SPIN1: variants seen among roughly 807,000 people sequenced by gnomAD.
SPIN1 encodes the protein spindlin-1.
A neutral mutation model predicts 26.0 loss-of-function variants in SPIN1; 3 were observed. That is an observed-to-expected ratio of 0.12 (90% CI 0.05 to 0.30). SPIN1 has a LOEUF of 0.30. Among genes scored for constraint, SPIN1 ranks in the 10% least tolerant of loss-of-function variants. SPIN1 has a pLI of 1.00. For missense variants in SPIN1, 126 were observed against 333.4 expected, an observed-to-expected ratio of 0.38 and a Z score of 4.84; for synonymous variants, 101 against 116.5, an observed-to-expected ratio of 0.87 and a Z score of 0.86.
chr9:88,407,644 C>G (rs1827337757), intron 1 of SPIN1, among the ~76,000 whole-genome samples: 1 of 147,568 alleles, frequency 6.8e-6, no homozygotes, highest in East Asian at 2.0e-4. Flanking sequence ...GACCTCATCT[C>G]TAATTTTTTT....
intron 1 of SPIN1, among the ~76,000 whole-genome samples, chr9:88,403,937 G>C (rs748201905): frequency 6.6e-6 from 1 of 152,146 alleles, no homozygotes; most frequent in African/African-American, 2.4e-5. Flanking sequence ...TGCGTTGTTA[G>C]GTGAGCATTA....
At chr9:88,437,682 A>G (rs924692117) in intron 2 of SPIN1, among the ~76,000 whole-genome samples, 1 of 152,130 alleles carries the variant, frequency 6.6e-6, no homozygotes, top group Non-Finnish European at 1.5e-5. Flanking sequence ...AAGCGGCTCT[A>G]CCGTTTTGCA....
At chr9:88,466,302 G>A (rs1326371232) in intron 4 of SPIN1, among the ~76,000 whole-genome samples, 2 of 152,134 alleles carry the variant, frequency 1.3e-5, no homozygotes, top group Non-Finnish European at 2.9e-5. Context: ...GGGACTACAG[G>A]CACTCACCAC....
At chr9:88,401,068 A>G (rs1420692183) in intron 1 of SPIN1, among the ~76,000 whole-genome samples, 1 of 152,156 alleles carries the variant, frequency 6.6e-6, no homozygotes, top group East Asian at 1.9e-4. Context: ...AATAACTTGC[A>G]TTGTTGGTGG....
Position 88,426,586 on chromosome 9 carries a change from A to G in SPIN1, c.47A>G (p.Asp16Gly). 1.9e-6 allele frequency: 3 copies of G among 1,613,494 alleles called. No individual in the cohort carries two copies. The highest frequency in any genetic ancestry group is 2.5e-6 in the Non-Finnish European group (3 of 1,179,610). The change falls in exon 2 of 6, where the codon GAT (aspartate) becomes GGT (glycine). Residue 16 changes from aspartate (D) to glycine (G), a missense_variant. Asp to Gly is a moderately conservative substitution (Grantham distance 94). This residue lies in a region of SPIN1 where 63 missense variants were observed against 101.3 expected (regional missense o/e 0.62). Coordinates refer to ENST00000375859, the MANE Select transcript of SPIN1 (RefSeq NM_006717.3). ...ACACCTGGCCAGCGGTCCAGAGCTGATGCAGGTAGGCATTGCGGTTCTACA... is the reference window on the plus strand; with the variant it reads ...ACACCTGGCCAGCGGTCCAGAGCTGGTGCAGGTAGGCATTGCGGTTCTACA... ...GKTPGQRSRA[D>G]AGHAGVSANM...
At chr9:88,466,318 C>G (rs1365765919) in intron 4 of SPIN1, among the ~76,000 whole-genome samples, 1 of 152,064 alleles carries the variant, frequency 6.6e-6, no homozygotes, top group Non-Finnish European at 1.5e-5. Context: ...ACCACAGTAC[C>G]CTGCTAATTT....
chr9:88,417,184 A>T lies in SPIN1; in HGVS notation c.-158-9198A>T, dbSNP rs75891288. 9.9e-4 allele frequency among the ~76,000 whole-genome samples: 151 copies of T among 152,264 alleles called. 3 individuals carry two copies. In the East Asian group the frequency reaches 0.024, roughly 24 times the overall value. On this transcript the variant is annotated intron_variant, in intron 1 of 5. Coordinates refer to ENST00000375859, the MANE Select transcript of SPIN1 (RefSeq NM_006717.3). ...TATGCTCTGTATTTAGATTTTAGCT[A>T]TATGTTTTTTTCGTATAAATGTCTG...
chr9:88,425,416 A>T (rs970045851), intron 1 of SPIN1, among the ~76,000 whole-genome samples: 3 of 152,156 alleles, frequency 2.0e-5, no homozygotes, highest in Admixed American at 6.5e-5. Flanking sequence ...GCAGTGGCTC[A>T]CGTCTGTAAT....
At chr9:88,395,836 CAGG>C (rs1827040521) in intron 1 of SPIN1, among the ~76,000 whole-genome samples, 1 of 151,546 alleles carries the variant, frequency 6.6e-6, no homozygotes, top group Non-Finnish European at 1.5e-5. Context: ...ATCATGAGGT[CAGG>C]AGTTCAAGAA....
At chr9:88,420,951 C>G (rs549582165) in intron 1 of SPIN1, among the ~76,000 whole-genome samples, 1 of 152,346 alleles carries the variant, frequency 6.6e-6, no homozygotes, top group South Asian at 2.1e-4. Flanking sequence ...CACGTAGCCT[C>G]TGCTCTGCTC....
chr9:88,423,776 A>G (rs1294088471), intron 1 of SPIN1, among the ~76,000 whole-genome samples: 1 of 124,028 alleles, frequency 8.1e-6, no homozygotes, highest in African/African-American at 3.1e-5. Context: ...TATTTATTGT[A>G]CTTTTTTGAG....
At chr9:88,423,812 C>G (rs566430165) in intron 1 of SPIN1, among the ~76,000 whole-genome samples, 2 of 151,500 alleles carry the variant, frequency 1.3e-5, no homozygotes, top group South Asian at 4.2e-4. Flanking sequence ...GTCATCCAGG[C>G]TGGAGTGCAG....
At chr9:88,389,931 C>T (rs879343135) in intron 1 of SPIN1, among the ~76,000 whole-genome samples, 4 of 151,858 alleles carry the variant, frequency 2.6e-5, no homozygotes, top group Non-Finnish European at 5.9e-5. Context: ...CACTCTCCCC[C>T]CTCAGCTTTA....
chr9:88,411,462 A>T (rs930523188), intron 1 of SPIN1: 14 of 1,209,328 alleles, frequency 1.2e-5, no homozygotes, highest in Admixed American at 9.9e-5. Context: ...TGACTTAGAC[A>T]TGATGGCATG....
intron 3 of SPIN1, among the ~76,000 whole-genome samples, chr9:88,461,923 C>T (rs182432488): frequency 7.2e-4 from 109 of 152,244 alleles, no homozygotes; most frequent in Non-Finnish European, 5.7e-4. Flanking sequence ...AGTAATGTTT[C>T]TATAGTGCAT....
chr9:88,466,611 G>T (rs1349524634), intron 4 of SPIN1, among the ~76,000 whole-genome samples: 2 of 152,084 alleles, frequency 1.3e-5, no homozygotes, highest in Non-Finnish European at 2.9e-5. Flanking sequence ...TACATGTTTA[G>T]GGTTTGCTGA....
intron 1 of SPIN1, among the ~76,000 whole-genome samples, chr9:88,395,380 C>T (rs115273915): frequency 8.9e-4 from 136 of 152,026 alleles, no homozygotes; most frequent in African/African-American, 3.2e-3. Flanking sequence ...CTCCCTTTTA[C>T]TTAATTTATT....
chr9:88,461,764 T>C (rs1308396760), intron 3 of SPIN1, among the ~76,000 whole-genome samples: 2 of 152,194 alleles, frequency 1.3e-5, no homozygotes, highest in Non-Finnish European at 2.9e-5. Context: ...TTTCCTGATA[T>C]CAAGAGCCAG....
At chr9:88,426,014 A>G (rs1454775763) in intron 1 of SPIN1, among the ~76,000 whole-genome samples, 2 of 152,046 alleles carry the variant, frequency 1.3e-5, no homozygotes, top group African/African-American at 2.4e-5. Flanking sequence ...CAGATGGGCC[A>G]TGCTGTCTAA....
Sources: gnomAD v4.1 joint callset for allele counts (sites outside exome capture counted in the v4.1 genomes callset) on GRCh38, gnomAD v4.1.1 for gene constraint, gnomAD v4.1.1 regional missense constraint, MANE v1.5 for transcripts, NCBI Gene and HGNC (gene_info 2026-07-23, HGNC 2026-07-21) for gene names.